NAALADL2: variants seen among roughly 807,000 people sequenced by gnomAD.
NAALADL2 encodes N-acetylated alpha-linked acidic dipeptidase like 2, also known as inactive N-acetylated-alpha-linked acidic dipeptidase-like protein 2.
Under a neutral mutation model 87.2 loss-of-function variants are expected in NAALADL2, and 76 were observed. The ratio of observed to expected loss-of-function variants is 0.87; its 90% CI spans 0.72 to 1.05. The LOEUF (loss-of-function observed/expected upper bound fraction) is 1.05. Among genes scored for constraint, NAALADL2 ranks in the 50% least tolerant of loss-of-function variants. The probability of loss-of-function intolerance (pLI) is 0.00; values close to 1 mark genes in which losing one functional copy is unlikely to be tolerated. For synonymous variants in NAALADL2, 354 were observed against 331.0 expected, an observed-to-expected ratio of 1.07 and a Z score of -0.75; for missense variants, 1,089 against 945.8, an observed-to-expected ratio of 1.15 and a Z score of -1.99.
intron 2 of NAALADL2, among the ~76,000 whole-genome samples, chr3:174,685,524 G>A (rs1011903455): frequency 6.6e-6 from 1 of 151,796 alleles, no homozygotes; most frequent in African/African-American, 2.4e-5. Context: ...TTTTTTTAAT[G>A]ACAGCCATTT....
intron 4 of NAALADL2, among the ~76,000 whole-genome samples, chr3:175,269,626 CT>C (rs1410596554): frequency 3.9e-5 from 6 of 152,226 alleles, no homozygotes. Context: ...CACTCCTTAT[CT>C]TCCTAAAAAT....
intron 11 of NAALADL2, among the ~76,000 whole-genome samples, chr3:175,677,961 A>C (rs1426244048): frequency 6.6e-6 from 1 of 152,116 alleles, no homozygotes; most frequent in Non-Finnish European, 1.5e-5. Flanking sequence ...ATCATAGTTA[A>C]ATTAGACTTG....
intron 2 of NAALADL2, among the ~76,000 whole-genome samples, chr3:174,679,256 A>G (rs1727311782): frequency 6.6e-6 from 1 of 152,114 alleles, no homozygotes; most frequent in Admixed American, 6.6e-5. Context: ...TACACTGTGG[A>G]TATTATATTT....
intron 3 of NAALADL2, among the ~76,000 whole-genome samples, chr3:174,805,911 A>T (rs766948522): frequency 1.3e-5 from 2 of 152,154 alleles, no homozygotes; most frequent in African/African-American, 2.4e-5. Flanking sequence ...ATTAATCTAT[A>T]TTAGGCCTGA....
In NAALADL2 at chr3:174,701,905, G is replaced by A. The variant is rs537695842; in HGVS notation, c.-114-35736G>A. On this transcript the variant is annotated intron_variant, in intron 2 of 3. Transcript: ENST00000434257. ...CAAAAAAGATGCTTTTAACATTTGC[G>A]TACAAGTCTTTGTATAGACATGTAT... Among the ~76,000 whole-genome samples the A allele has an allele frequency of 9.9e-5, 15 of 152,180 alleles. No homozygotes were observed. The East Asian group carries it at 1.9e-3, about 20-fold the overall frequency.
chr3:175,463,900 C>T (rs1477344581), intron 7 of NAALADL2, among the ~76,000 whole-genome samples: 3 of 152,080 alleles, frequency 2.0e-5, no homozygotes, highest in African/African-American at 7.2e-5. Flanking sequence ...TTTTCTTTTT[C>T]CTCACTGCAG....
chr3:175,325,917 T>C (rs6780717), intron 5 of NAALADL2, among the ~76,000 whole-genome samples: 99,617 of 152,118 alleles, frequency 0.65, 34,766 homozygotes, highest in African/African-American at 0.91. Context: ...TATCAAATAG[T>C]GGCACCCTTT....
At chr3:174,837,976 A>G (rs556151346) in intron 3 of NAALADL2, among the ~76,000 whole-genome samples, 168 of 150,312 alleles carry the variant, frequency 1.1e-3, no homozygotes, top group African/African-American at 3.9e-3. Context: ...CTATGAAGCC[A>G]GTATCACCCT....
At chr3:174,915,808 G>A (rs1434050499) in intron 1 of NAALADL2, among the ~76,000 whole-genome samples, 1 of 152,062 alleles carries the variant, frequency 6.6e-6, no homozygotes, top group Non-Finnish European at 1.5e-5. Flanking sequence ...TCTGGACATT[G>A]GCTTAGGTAA....
intron 5 of NAALADL2, among the ~76,000 whole-genome samples, chr3:175,439,364 G>C (rs549884548): frequency 1.1e-4 from 16 of 151,940 alleles, no homozygotes; most frequent in African/African-American, 3.9e-4. Flanking sequence ...ACTCAGGAGT[G>C]GGGTTGCTGG....
At chr3:175,792,359 TAC>T (rs1752899637) in intron 13 of NAALADL2, among the ~76,000 whole-genome samples, 1 of 152,226 alleles carries the variant, frequency 6.6e-6, no homozygotes, top group African/African-American at 2.4e-5. Context: ...CTTTCATTAA[TAC>T]CTCAAGCTTT....
At chr3:175,242,140 A>G (rs1021704701) in intron 3 of NAALADL2, among the ~76,000 whole-genome samples, 4 of 152,014 alleles carry the variant, frequency 2.6e-5, no homozygotes, top group Non-Finnish European at 5.9e-5. Flanking sequence ...GATTACAGGC[A>G]TGAGCCACCG....
chr3:175,064,090 T>C (rs988330019), intron 1 of NAALADL2, among the ~76,000 whole-genome samples: 3 of 152,048 alleles, frequency 2.0e-5, no homozygotes, highest in Non-Finnish European at 4.4e-5. Flanking sequence ...TCCAGTTCTC[T>C]TCAACCTGTC....
intron 1 of NAALADL2, among the ~76,000 whole-genome samples, chr3:174,874,608 G>A (rs1260120036): frequency 6.6e-6 from 1 of 152,124 alleles, no homozygotes; most frequent in Non-Finnish European, 1.5e-5. Flanking sequence ...GTGTGTAAAA[G>A]CATCATTGAG....
intron 5 of NAALADL2, among the ~76,000 whole-genome samples, chr3:175,396,426 C>T (rs1030877706): frequency 2.6e-5 from 4 of 152,122 alleles, no homozygotes; most frequent in African/African-American, 7.2e-5. Flanking sequence ...AGAGGTACAT[C>T]ACTAATATTT....
At chr3:175,179,659 G>C (rs1285082738) in intron 2 of NAALADL2, among the ~76,000 whole-genome samples, 2 of 151,856 alleles carry the variant, frequency 1.3e-5, no homozygotes, top group East Asian at 3.9e-4. Flanking sequence ...CATAGACATG[G>C]GTTACTTCTA....
At chr3:175,133,605 G>A (rs1051566069) in intron 2 of NAALADL2, among the ~76,000 whole-genome samples, 8 of 152,188 alleles carry the variant, frequency 5.3e-5, no homozygotes, top group African/African-American at 1.2e-4. Flanking sequence ...GCCTGCAATC[G>A]CAGGCACTCG....
At chr3:174,555,848 T>G (rs372512483) in intron 2 of NAALADL2, among the ~76,000 whole-genome samples, 6 of 152,124 alleles carry the variant, frequency 3.9e-5, no homozygotes, top group East Asian at 1.9e-4. Context: ...TGAGAGGTCA[T>G]AGTGTGACCT....
At chr3:174,732,027 T>G (rs1239285079) in intron 2 of NAALADL2, among the ~76,000 whole-genome samples, 2 of 152,144 alleles carry the variant, frequency 1.3e-5, no homozygotes, top group Non-Finnish European at 2.9e-5. Flanking sequence ...GAAATTTTAC[T>G]TATAAAAACA....
Sources: gnomAD v4.1 joint callset for allele counts (sites outside exome capture counted in the v4.1 genomes callset) on GRCh38, gnomAD v4.1.1 for gene constraint, MANE v1.5 for transcripts, NCBI Gene and HGNC (gene_info 2026-07-23, HGNC 2026-07-21) for gene names.